The following KDM4B variants were observed in gnomAD, a reference collection of about 807,000 sequenced individuals.
KDM4B encodes lysine-specific demethylase 4B.
In KDM4B, 32 loss-of-function variants were observed where a neutral mutation model predicts 125.2. That is an observed-to-expected ratio of 0.26 (90% CI 0.19 to 0.34). KDM4B has a LOEUF of 0.34. Ranked by LOEUF, KDM4B falls within the 10% of genes least tolerant of loss-of-function variation. The probability of loss-of-function intolerance (pLI) is 1.00; values close to 1 mark genes in which losing one functional copy is unlikely to be tolerated. For synonymous variants in KDM4B, 721 were observed against 677.9 expected, an observed-to-expected ratio of 1.06 and a Z score of -0.99; for missense variants, 1,190 against 1,577.7, an observed-to-expected ratio of 0.75 and a Z score of 4.16.
At chr19:5,067,065 G>A (rs1264053026) in intron 6 of KDM4B, among the ~76,000 whole-genome samples, 1 of 152,150 alleles carries the variant, frequency 6.6e-6, no homozygotes, top group African/African-American at 2.4e-5. Flanking sequence ...TGCAGTGGGT[G>A]CACCTGAGGG....
At chr19:5,069,182 G>A (rs1568273550) in intron 6 of KDM4B, among the ~76,000 whole-genome samples, 1 of 152,210 alleles carries the variant, frequency 6.6e-6, no homozygotes, top group Non-Finnish European at 1.5e-5. Context: ...TGCTGGGGTC[G>A]CCTTGGCTGG....
intron 1 of KDM4B, among the ~76,000 whole-genome samples, chr19:5,000,497 C>A (rs1157469633): frequency 6.6e-6 from 1 of 152,008 alleles, no homozygotes; most frequent in Non-Finnish European, 1.5e-5. Context: ...ACCTCTAGTT[C>A]CAGCCCCACA....
chr19:5,059,287 C>A (rs2037508176), intron 6 of KDM4B, among the ~76,000 whole-genome samples: 1 of 152,242 alleles, frequency 6.6e-6, no homozygotes, highest in Non-Finnish European at 1.5e-5. Context: ...CCCCTCCACA[C>A]TCGCCAGCAG....
intron 7 of KDM4B, among the ~76,000 whole-genome samples, chr19:5,072,598 A>G (rs1302257064): frequency 6.6e-6 from 1 of 152,216 alleles, no homozygotes; most frequent in Non-Finnish European, 1.5e-5. Context: ...CATTTCTCCC[A>G]TTGTATGTTT....
chr19:5,086,047 C>T (rs2038482679), intron 9 of KDM4B, among the ~76,000 whole-genome samples: 1 of 152,146 alleles, frequency 6.6e-6, no homozygotes, highest in African/African-American at 2.4e-5. Flanking sequence ...GGCCCAGCTC[C>T]CCTGTCCCAT....
At chr19:5,055,243 A>C (rs1379224930) in intron 6 of KDM4B, among the ~76,000 whole-genome samples, 1 of 152,244 alleles carries the variant, frequency 6.6e-6, no homozygotes, top group African/African-American at 2.4e-5. Flanking sequence ...CCCGGGGCAC[A>C]TCGGGGCACT....
At chr19:5,049,569 C>T (rs2037152143) in intron 6 of KDM4B, among the ~76,000 whole-genome samples, 2 of 149,690 alleles carry the variant, frequency 1.3e-5, no homozygotes, top group South Asian at 2.1e-4. Context: ...ATGCCCTCAA[C>T]CCCCCAGAGC....
intron 1 of KDM4B, among the ~76,000 whole-genome samples, chr19:4,984,953 T>C (rs2034777951): frequency 6.6e-6 from 1 of 152,152 alleles, no homozygotes; most frequent in Non-Finnish European, 1.5e-5. Context: ...ATCTGCTGGG[T>C]CACAGTGGGT....
chr19:5,138,823 T>C (rs1287848143), intron 18 of KDM4B, among the ~76,000 whole-genome samples: 1 of 152,186 alleles, frequency 6.6e-6, no homozygotes, highest in African/African-American at 2.4e-5. Flanking sequence ...AAGCAGCAGC[T>C]CCCTCCGCCC....
intron 6 of KDM4B, among the ~76,000 whole-genome samples, chr19:5,065,887 C>T (rs2037754253): frequency 6.6e-6 from 1 of 152,206 alleles, no homozygotes; most frequent in Admixed American, 6.5e-5. Flanking sequence ...GGCCTCGCAG[C>T]ATCCCCCGGG....
At chr19:5,098,150 G>A (rs1433450507) in intron 9 of KDM4B, among the ~76,000 whole-genome samples, 4 of 152,212 alleles carry the variant, frequency 2.6e-5, no homozygotes, top group Non-Finnish European at 4.4e-5. Flanking sequence ...AGCCTCCGTG[G>A]CAGCCTCCAT....
intron 1 of KDM4B, among the ~76,000 whole-genome samples, chr19:4,991,942 A>G (rs2035043276): frequency 6.6e-6 from 1 of 152,146 alleles, no homozygotes; most frequent in Non-Finnish European, 1.5e-5. Flanking sequence ...ATTACTCAGT[A>G]GTTCTCCATA....
Position 5,041,130 on chromosome 19 carries a change from TC to T in KDM4B, c.318-6del. 1 of 1,598,744 alleles carries T rather than the reference TC, an allele frequency of 6.3e-7. No individual in the cohort carries two copies. The highest frequency in any genetic ancestry group is 8.6e-7 in the Non-Finnish European group (1 of 1,167,078). Reference sequence around the variant, plus strand: ...CCTGAGCTGGTTTTGGGGTGTTTGTTCACCAGGTACTGTACCCCGCGGCACC... The same window carrying T: ...CCTGAGCTGGTTTTGGGGTGTTTGTTACCAGGTACTGTACCCCGCGGCACC... On this transcript the variant is annotated splice_polypyrimidine_tract_variant and splice_region_variant and intron_variant, in intron 4 of 22. Coordinates refer to ENST00000159111, the MANE Select transcript of KDM4B (RefSeq NM_015015.3).
At chr19:5,143,887 C>A in intron 18 of KDM4B, 80 bp from the exon 19 acceptor site, 1 of 1,148,652 alleles carries the variant, frequency 8.7e-7, no homozygotes, top group Non-Finnish European at 1.3e-6. Context: ...GAAGGCTGTG[C>A]CGGGAGGGGC....
At chr19:5,029,843 T>C (rs2036394986) in intron 2 of KDM4B, among the ~76,000 whole-genome samples, 1 of 152,214 alleles carries the variant, frequency 6.6e-6, no homozygotes, top group South Asian at 2.1e-4. Flanking sequence ...CAATAGTTTC[T>C]TAAAAAGTGC....
chr19:5,045,257 G>A (rs964046585), intron 5 of KDM4B, among the ~76,000 whole-genome samples: 11 of 152,204 alleles, frequency 7.2e-5, no homozygotes, highest in African/African-American at 2.4e-4. Flanking sequence ...GGCGTGTTGC[G>A]CTGTCTCATT....
chr19:5,131,557 C>CG lies in KDM4B; in HGVS notation c.1785+17dup. 1 of 280,404 alleles carries CG rather than the reference C, an allele frequency of 3.6e-6. No homozygotes were observed. Among genetic ancestry groups the CG allele is most frequent in the Non-Finnish European group, 5.1e-6 (1 of 196,678 alleles). 17.4% of individuals were successfully genotyped at this position (280,404 alleles called of 1,614,324 possible). On this transcript the variant is annotated intron_variant, in intron 12 of 22. Coordinates refer to ENST00000159111, the MANE Select transcript of KDM4B (RefSeq NM_015015.3). Reference sequence around the variant, plus strand: ...CCGGAGAGGGGCAGGTGGGGTGGAGCGGGGGAGGCAGGGAGGAGGGGGGCA... The same window carrying CG: ...CCGGAGAGGGGCAGGTGGGGTGGAGCGGGGGGAGGCAGGGAGGAGGGGGGCA...
chr19:5,131,451 C>A lies in KDM4B; in HGVS notation c.1691C>A (p.Pro564Gln). The change falls in exon 12 of 23, where the codon CCA becomes CAA. Residue 564 changes from proline to glutamine, a missense_variant. Around this residue, in one of 7 missense-constraint regions of KDM4B, gnomAD observed 428 missense variants for 405.1 expected, o/e 1.06. Transcript: ENST00000159111. ...FAQKGPTWKE[P>Q]VSPMELTGPE... is the part of the protein sequence containing the mutation. ...CAGAAGGGTCCGACCTGGAAGGAAC[C>A]AGTTTCCCCCATGGAGCTGACGGGG... 1 of 1,605,732 alleles carries A rather than the reference C, an allele frequency of 6.2e-7. No individual in the cohort carries two copies. The highest frequency in any genetic ancestry group is 1.1e-5 in the South Asian group (1 of 90,696).
chr19:5,013,866 T>C (rs1053069655), intron 1 of KDM4B, among the ~76,000 whole-genome samples: 3 of 152,190 alleles, frequency 2.0e-5, no homozygotes, highest in African/African-American at 7.2e-5. Context: ...GGGATTCCGG[T>C]CCTCGGGTTC....
Sources: allele counts gnomAD v4.1 joint callset (sites outside exome capture counted in the v4.1 genomes callset), GRCh38; gene constraint gnomAD v4.1.1; regional missense constraint gnomAD v4.1.1; transcripts MANE v1.5; gene names NCBI Gene and HGNC (gene_info 2026-07-23, HGNC 2026-07-21).